Variants in ANAPC4 observed in about 807,000 individuals in gnomAD.
The protein encoded by ANAPC4 is anaphase-promoting complex subunit 4.
Under a neutral mutation model 119.8 loss-of-function variants are expected in ANAPC4, and 63 were observed. The ratio of observed to expected loss-of-function variants is 0.53; its 90% CI spans 0.43 to 0.65. The LOEUF is 0.65. Among genes scored for constraint, ANAPC4 ranks in the 30% least tolerant of loss-of-function variants. The pLI, the probability that ANAPC4 is intolerant of heterozygous loss-of-function variation, is 0.00. For missense variants in ANAPC4, 716 were observed against 945.1 expected (o/e 0.76, Z 3.18); for synonymous variants, 283 against 318.6 (o/e 0.89, Z 1.19).
At chr4:25,384,670 G>C (rs557092421) in intron 4 of ANAPC4, among the ~76,000 whole-genome samples, 16 of 152,134 alleles carry the variant, frequency 1.1e-4, no homozygotes, top group African/African-American at 3.6e-4. Flanking sequence ...TTAGCCAGGC[G>C]TGGTAGCTAT....
chr4:25,407,840 A>G (rs1166876166), intron 20 of ANAPC4, among the ~76,000 whole-genome samples: 1 of 152,164 alleles, frequency 6.6e-6, no homozygotes, highest in African/African-American at 2.4e-5. Flanking sequence ...GGTTGCAGTG[A>G]GCCAAGATTG....
At chr4:25,407,668 T>C (rs942235542) in intron 20 of ANAPC4, among the ~76,000 whole-genome samples, 6 of 151,208 alleles carry the variant, frequency 4.0e-5, no homozygotes, top group African/African-American at 1.5e-4. Flanking sequence ...TGTTATTTAT[T>C]GCTGATAGGC....
At position 25,380,356 on chromosome 4, in the gene ANAPC4, A is replaced by G. The variant is rs773332614; in HGVS notation, c.130-18A>G. Reference sequence around the variant, plus strand: ...AATGAATTTTTAATTTCCTGCCATTATATCTGCTTTGTCTTAGGTTTTACT... The same window carrying G: ...AATGAATTTTTAATTTCCTGCCATTGTATCTGCTTTGTCTTAGGTTTTACT... On this transcript the variant is annotated intron_variant, in intron 2 of 28. Transcript: ENST00000315368. 1.3e-6 allele frequency: 2 copies of G among 1,574,470 alleles called. No individual in the cohort carries two copies. The highest frequency in any genetic ancestry group is 2.3e-5 in the South Asian group (2 of 86,030).
At position 25,403,053 on chromosome 4, in the gene ANAPC4, AT is replaced by A. The variant is rs777130772; in HGVS notation, c.1270+31del. ...TAAGTTAATTGAGTGAAGCATTTTTATTTTAACACTTTAAAAAAATTATAGG... is the reference window on the plus strand; with the variant it reads ...TAAGTTAATTGAGTGAAGCATTTTTATTTAACACTTTAAAAAAATTATAGG... On this transcript the variant is annotated intron_variant, in intron 17 of 28. Transcript: ENST00000315368. 31 of 1,553,608 alleles carry A rather than the reference AT, an allele frequency of 2.0e-5. No individual in the cohort carries two copies. The East Asian group carries it at 6.8e-4, about 34-fold the overall frequency.
intron 3 of ANAPC4, 105 bp from the exon 4 acceptor site, chr4:25,383,156 G>C: frequency 9.1e-7 from 1 of 1,096,028 alleles, no homozygotes; most frequent in Non-Finnish European, 1.2e-6. Flanking sequence ...AAATTGCCAT[G>C]ATGAAGATGC....
chr4:25,394,517 T>G, intron 12 of ANAPC4, 143 bp downstream of exon 12: 1 of 1,006,004 alleles, frequency 9.9e-7, no homozygotes, highest in Non-Finnish European at 1.4e-6. Flanking sequence ...GTTACATACT[T>G]ACGGGGTATA....
intron 11 of ANAPC4, 100 bp downstream of exon 11, chr4:25,393,991 C>G (rs1722499277): frequency 4.1e-6 from 4 of 982,994 alleles, no homozygotes; most frequent in Non-Finnish European, 5.9e-6. Flanking sequence ...TCATAAAAGG[C>G]TAAGATCATA....
chr4:25,392,409 A>G lies in ANAPC4; in HGVS notation c.777A>G (p.Ser259=). The G allele has an allele frequency of 6.2e-7, 1 of 1,606,898 alleles. No homozygotes were observed. Among genetic ancestry groups the G allele is most frequent in the Non-Finnish European group, 8.5e-7 (1 of 1,173,470 alleles). The part of the protein sequence containing the change: ...TRMARKFTHI[S]ALLQYINLSL... ...TGGCCAGAAAGTTTACTCATATTTC[A>G]GCTCTGTTACAGGTATTTATTTAGA... Residue 259 remains serine (S), a synonymous_variant, in exon 10 of 29, where the codon TCA becomes TCG. Coordinates refer to ENST00000315368, the MANE Select transcript of ANAPC4 (RefSeq NM_013367.3).
At chr4:25,407,296 C>A in intron 20 of ANAPC4, 43 bp downstream of exon 20, 1 of 1,458,312 alleles carries the variant, frequency 6.9e-7, no homozygotes, top group Non-Finnish European at 9.3e-7. Context: ...CAGTGTTCAT[C>A]TTTGTTATCC....
intron 20 of ANAPC4, 139 bp from the exon 21 acceptor site, chr4:25,409,559 A>C: frequency 1.7e-6 from 1 of 593,756 alleles, no homozygotes; most frequent in Non-Finnish European, 2.9e-6. Flanking sequence ...AAGTTAAAAA[A>C]GTGTTAAAAA....
chr4:25,395,188 T>C (rs953154833), intron 14 of ANAPC4: 18 of 251,780 alleles, frequency 7.1e-5, no homozygotes, highest in Non-Finnish European at 1.2e-4. Context: ...ATAAGGCATA[T>C]ATCTTTTTTT....
intron 26 of ANAPC4, 161 bp from the exon 27 acceptor site, chr4:25,416,264 A>G: frequency 2.2e-6 from 1 of 451,750 alleles, no homozygotes; most frequent in Non-Finnish European, 3.8e-6. Context: ...ACAAAAAGTA[A>G]CTGATTTTAA....
intron 26 of ANAPC4, 81 bp from the exon 27 acceptor site, chr4:25,416,344 T>C (rs2109148690): frequency 1.1e-6 from 1 of 932,444 alleles, no homozygotes; most frequent in African/African-American, 1.7e-5. Flanking sequence ...TTTTTCTGCT[T>C]GCTGCCAGTA....
At position 25,415,491 on chromosome 4, in the gene ANAPC4, A is replaced by G. The variant is rs575771639; in HGVS notation, c.1852A>G (p.Ile618Val). 3.6e-5 allele frequency: 58 copies of G among 1,613,114 alleles called. No homozygotes were observed. The highest frequency in any genetic ancestry group is 1.6e-4 in the Middle Eastern group (1 of 6,072). Residue 618 changes from isoleucine (I) to valine (V), a missense_variant, in exon 26 of 29, where the codon ATT becomes GTT. By Grantham distance (29) the Ile-to-Val change is conservative (BLOSUM62 3). Around this residue, in one of 3 missense-constraint regions of ANAPC4, gnomAD observed 504 missense variants for 615.8 expected, o/e 0.82. Transcript: ENST00000315368. ...ATCTGTGAGTAATGGACTAATTGCT[A>G]TTAAATTTGGGAGCTTTACATATGC... is the stretch of plus-strand genomic sequence containing the variant. ...SQSVSNGLIA[I>V]KFGSFTYATT...
At chr4:25,415,239 C>T (rs965295290) in intron 25 of ANAPC4, 7 of 401,990 alleles carry the variant, frequency 1.7e-5, no homozygotes, top group South Asian at 7.9e-5. Context: ...GTTGAGACCA[C>T]GATGTAACCA....
chr4:25,407,051 CTT>C (rs1346929603), intron 19 of ANAPC4, 144 bp from the exon 20 acceptor site: 28 of 885,662 alleles, frequency 3.2e-5, no homozygotes, highest in Middle Eastern at 3.4e-4. Context: ...ATAAACCAGA[CTT>C]TTGTTTGTGT....
intron 25 of ANAPC4, 156 bp from the exon 26 acceptor site, chr4:25,415,310 C>T: frequency 4.1e-6 from 2 of 490,424 alleles, no homozygotes; most frequent in Non-Finnish European, 7.2e-6. Context: ...GATTTTAAAC[C>T]AAATTGGTTT....
chr4:25,403,343 T>C (rs938130904), intron 17 of ANAPC4, among the ~76,000 whole-genome samples: 1 of 152,152 alleles, frequency 6.6e-6, no homozygotes, highest in African/African-American at 2.4e-5. Flanking sequence ...ATAATTGGGA[T>C]ATGTATCACC....
At chr4:25,393,961 A>G (rs958315019) in intron 11 of ANAPC4, 70 bp downstream of exon 11, 2 of 1,256,990 alleles carry the variant, frequency 1.6e-6, no homozygotes, top group Non-Finnish European at 2.2e-6. Flanking sequence ...CTTGAGGTAC[A>G]TGAGAAAAAT....
Sources: gnomAD v4.1 joint callset for allele counts (sites outside exome capture counted in the v4.1 genomes callset) on GRCh38, gnomAD v4.1.1 for gene constraint, gnomAD v4.1.1 regional missense constraint, MANE v1.5 for transcripts, NCBI Gene and HGNC (gene_info 2026-07-23, HGNC 2026-07-21) for gene names.